The following ZFTRAF1 variants were observed in gnomAD, a reference collection of about 807,000 sequenced individuals.
ZFTRAF1 encodes the protein zinc finger TRAF-type and ring finger containing 1, also known as zinc finger TRAF-type-containing protein 1.
chr8:144,462,248 G>C, the ZFTRAF1 span: 2 of 522,280 alleles, frequency 3.8e-6, no homozygotes, highest in Non-Finnish European at 6.7e-6. Flanking sequence ...TGCAGCCCCG[G>C]GCTGGGCCGG....
the ZFTRAF1 span, among the ~76,000 whole-genome samples, chr8:144,461,150 G>GGA: frequency 6.6e-6 from 1 of 152,220 alleles, no homozygotes; most frequent in African/African-American, 2.4e-5. Flanking sequence ...AGAAGGACTT[G>GGA]GAGATCCAGA....
At chr8:144,452,504 C>T in the ZFTRAF1 span, 3 of 1,544,300 alleles carry the variant, frequency 1.9e-6, no homozygotes, top group Non-Finnish European at 2.6e-6. Flanking sequence ...CAGCCTCGTG[C>T]ACCGTCAGCT....
At chr8:144,452,410 G>C in the ZFTRAF1 span, 1 of 1,550,152 alleles carries the variant, frequency 6.5e-7, no homozygotes, top group East Asian at 2.4e-5. Flanking sequence ...CTGTTGTACA[G>C]CTGCATCTCC....
the ZFTRAF1 span, chr8:144,455,624 G>A: frequency 1.3e-5 from 2 of 152,358 alleles, no homozygotes; most frequent in South Asian, 2.1e-4. Context: ...GAGACTGCCG[G>A]GGGCCTTGGA....
the ZFTRAF1 span, chr8:144,452,521 A>C: frequency 2.6e-6 from 4 of 1,542,112 alleles, no homozygotes; most frequent in Non-Finnish European, 3.5e-6. Context: ...AGCTCATGGA[A>C]GGGGCCGTGC....
At chr8:144,450,988 GGATTAGCT>G in the ZFTRAF1 span, 1 of 559,320 alleles carries the variant, frequency 1.8e-6, no homozygotes, top group Non-Finnish European at 3.2e-6. Flanking sequence ...GAATCAACAT[GGATTAGCT>G]GGAGAGTCCA....
At chr8:144,462,215 T>TCCTGGGGC in the ZFTRAF1 span, 2 of 465,236 alleles carry the variant, frequency 4.3e-6, no homozygotes, top group Non-Finnish European at 7.5e-6. Context: ...GAGACGCGGA[T>TCCTGGGGC]CCTGGGGCCC....
At chr8:144,461,215 T>A in the ZFTRAF1 span, among the ~76,000 whole-genome samples, 1 of 152,170 alleles carries the variant, frequency 6.6e-6, no homozygotes, top group Non-Finnish European at 1.5e-5. Flanking sequence ...CAAAAGTAGC[T>A]CCTCATCCAG....
chr8:144,450,056 G>A, the ZFTRAF1 span: 1 of 377,300 alleles, frequency 2.7e-6, no homozygotes, highest in Non-Finnish European at 5.0e-6. Flanking sequence ...CTGCACAGAA[G>A]GGCTGGGGCA....
the ZFTRAF1 span, chr8:144,453,850 C>A: frequency 1.0e-5 from 2 of 199,144 alleles, no homozygotes; most frequent in Non-Finnish European, 2.1e-5. Context: ...GGCTCTTGGC[C>A]ATCACTGTCA....
chr8:144,450,050 A>G, the ZFTRAF1 span: 1 of 366,786 alleles, frequency 2.7e-6, no homozygotes, highest in Admixed American at 3.9e-5. Context: ...GCCTGACTGC[A>G]CAGAAGGGCT....
the ZFTRAF1 span, chr8:144,453,128 C>G: frequency 4.3e-6 from 5 of 1,174,952 alleles, no homozygotes; most frequent in Non-Finnish European, 6.0e-6. Flanking sequence ...GCAGAGACAG[C>G]CAGACCACCC....
At chr8:144,459,634 G>A in the ZFTRAF1 span, among the ~76,000 whole-genome samples, 1 of 152,198 alleles carries the variant, frequency 6.6e-6, no homozygotes, top group Non-Finnish European at 1.5e-5. Context: ...GGTGGCATCT[G>A]GTATCTGGAT....
chr8:144,457,093 A>G, the ZFTRAF1 span: 2 of 151,624 alleles, frequency 1.3e-5, no homozygotes, highest in Admixed American at 6.6e-5. Flanking sequence ...AGGTATTGAC[A>G]TCACAGAGGT....
the ZFTRAF1 span, chr8:144,450,332 T>C: frequency 1.4e-6 from 1 of 695,100 alleles, no homozygotes; most frequent in African/African-American, 1.8e-5. Flanking sequence ...AGGGCAGCGG[T>C]GCTGGGATGC....
At chr8:144,457,680 T>C in the ZFTRAF1 span, 3 of 152,206 alleles carry the variant, frequency 2.0e-5, no homozygotes, top group Non-Finnish European at 2.9e-5. Context: ...GGGAGCTAGA[T>C]GGGCGGAACA....
chr8:144,450,807 T>C, the ZFTRAF1 span: 1 of 669,572 alleles, frequency 1.5e-6, no homozygotes, highest in East Asian at 2.7e-5. Flanking sequence ...AGCCGGCTGT[T>C]AGTGTGGGCA....
At chr8:144,458,553 C>G in the ZFTRAF1 span, among the ~76,000 whole-genome samples, 140,710 of 152,218 alleles carry the variant, frequency 0.92, 65,750 homozygotes, top group Non-Finnish European at 1. Context: ...ACACTGTTGG[C>G]CTGGTTGGGG....
At chr8:144,462,706 G>A in the ZFTRAF1 span, 5 of 143,742 alleles carry the variant, frequency 3.5e-5, no homozygotes, top group East Asian at 4.2e-4. Context: ...CCGACTAGAA[G>A]TTAGGGGCGC....
Sources: gnomAD v4.1 joint callset for allele counts (sites outside exome capture counted in the v4.1 genomes callset) on GRCh38, gnomAD v4.1.1 for gene constraint, MANE v1.5 for transcripts, NCBI Gene and HGNC (gene_info 2026-07-23, HGNC 2026-07-21) for gene names.